ZFPM2: variants seen among roughly 807,000 people sequenced by gnomAD.
The protein encoded by ZFPM2 is zinc finger protein, FOG family member 2.
A neutral mutation model predicts 98.6 loss-of-function variants in ZFPM2; 20 were observed. That is an observed-to-expected ratio of 0.20 (90% CI 0.14 to 0.29). The LOEUF (loss-of-function observed/expected upper bound fraction) is 0.29. Among genes scored for constraint, ZFPM2 ranks in the 10% least tolerant of loss-of-function variants. ZFPM2 has a pLI of 1.00. For synonymous variants in ZFPM2, 518 were observed against 502.7 expected (o/e 1.03, Z -0.41); for missense variants, 1,310 against 1,388.6 (o/e 0.94, Z 0.90).
intron 4 of ZFPM2, among the ~76,000 whole-genome samples, chr8:105,589,070 T>A (rs1289927775): frequency 5.3e-5 from 8 of 152,178 alleles, no homozygotes; most frequent in Non-Finnish European, 7.4e-5. Context: ...ACTGAAAAGG[T>A]GAAAGCTCAA....
At chr8:105,745,418 A>C (rs1297821154) in intron 5 of ZFPM2, among the ~76,000 whole-genome samples, 1 of 152,136 alleles carries the variant, frequency 6.6e-6, no homozygotes, top group African/African-American at 2.4e-5. Flanking sequence ...TTAATCAGAG[A>C]ACACATATAA....
At chr8:105,362,415 G>C (rs909745194) in intron 1 of ZFPM2, among the ~76,000 whole-genome samples, 12 of 151,920 alleles carry the variant, frequency 7.9e-5, no homozygotes, top group Non-Finnish European at 1.5e-4. Context: ...TATGTCTGAC[G>C]CCTACTGAAA....
intron 1 of ZFPM2, among the ~76,000 whole-genome samples, chr8:105,340,255 G>T (rs1563611250): frequency 6.6e-6 from 1 of 151,772 alleles, no homozygotes; most frequent in African/African-American, 2.4e-5. Context: ...CTACATTTGT[G>T]TTTCCTATTC....
intron 5 of ZFPM2, among the ~76,000 whole-genome samples, chr8:105,751,213 G>T (rs1050962085): frequency 6.6e-6 from 1 of 152,054 alleles, no homozygotes; most frequent in African/African-American, 2.4e-5. Context: ...CTGTGTTTTG[G>T]TTATGTAGGA....
chr8:105,405,376 C>A (rs1419875404), intron 1 of ZFPM2, among the ~76,000 whole-genome samples: 1 of 151,302 alleles, frequency 6.6e-6, no homozygotes, highest in Non-Finnish European at 1.5e-5. Context: ...GTGTGCTGCA[C>A]CCATTAACTC....
chr8:105,376,541 T>C (rs1563628438), intron 1 of ZFPM2, among the ~76,000 whole-genome samples: 1 of 152,202 alleles, frequency 6.6e-6, no homozygotes, highest in Non-Finnish European at 1.5e-5. Context: ...TCAAATTTAA[T>C]GTGTCCCAAG....
intron 2 of ZFPM2, among the ~76,000 whole-genome samples, chr8:105,420,386 C>T (rs1336390751): frequency 1.3e-5 from 2 of 151,692 alleles, no homozygotes; most frequent in African/African-American, 4.8e-5. Flanking sequence ...ATGGTGTCAA[C>T]AAAAAAAGTC....
rs551032846 is a variant in ZFPM2, at chr8:105,744,201, A to T, written c.533-44517A>T. Among the ~76,000 whole-genome samples the T allele has an allele frequency of 8.5e-5, 13 of 152,066 alleles. No individual in the cohort carries two copies. In the South Asian group the frequency reaches 2.3e-3, roughly 27 times the overall value. ...AGGAACTCTGTTTTCCTCTCTCTCAACTCTTTATCATTCTTTTTATAGCTC... is the reference window on the plus strand; with the variant it reads ...AGGAACTCTGTTTTCCTCTCTCTCATCTCTTTATCATTCTTTTTATAGCTC... On this transcript the variant is annotated intron_variant, in intron 5 of 7. Coordinates refer to ENST00000407775, the MANE Select transcript of ZFPM2 (RefSeq NM_012082.4).
intron 3 of ZFPM2, among the ~76,000 whole-genome samples, chr8:105,470,263 A>C (rs1369909306): frequency 1.3e-5 from 2 of 152,196 alleles, no homozygotes; most frequent in Non-Finnish European, 2.9e-5. Context: ...GAGCCGGGAC[A>C]CCGAACTTAT....
intron 1 of ZFPM2, among the ~76,000 whole-genome samples, chr8:105,399,641 G>A (rs1261852311): frequency 6.6e-6 from 1 of 152,120 alleles, no homozygotes; most frequent in African/African-American, 2.4e-5. Context: ...ATATTTTTGA[G>A]TAGTTATTAT....
chr8:105,658,027 C>T (rs1817318130), intron 5 of ZFPM2, among the ~76,000 whole-genome samples: 1 of 152,128 alleles, frequency 6.6e-6, no homozygotes, highest in South Asian at 2.1e-4. Flanking sequence ...ACCAGTGCTT[C>T]CATTGTATGA....
chr8:105,496,982 CAAAAAAAAAAAAA>C, intron 3 of ZFPM2, among the ~76,000 whole-genome samples: 1 of 31,508 alleles, frequency 3.2e-5, no homozygotes, highest in East Asian at 1.2e-3. Context: ...AACTCCGTCT[CAAAAAAAAAAAAA>C]AAAAAAAAAG....
In ZFPM2 at chr8:105,507,733, A is replaced by G. The variant is rs537557087; in HGVS notation, c.302-53630A>G. Among the ~76,000 whole-genome samples, 22 of 152,268 alleles carry G rather than the reference A, an allele frequency of 1.4e-4. No individual in the cohort carries two copies. In the South Asian group the frequency reaches 4.4e-3, roughly 30 times the overall value. On this transcript the variant is annotated intron_variant, in intron 3 of 7. Transcript: ENST00000407775. Reference sequence around the variant, plus strand: ...GTGCAAAAACGGCCCAACCAATAGCATGACTGTCTTATTTAGTCTTGGGGA... The same window carrying G: ...GTGCAAAAACGGCCCAACCAATAGCGTGACTGTCTTATTTAGTCTTGGGGA...
chr8:105,435,012 T>G (rs2130162857), intron 2 of ZFPM2, among the ~76,000 whole-genome samples: 1 of 152,342 alleles, frequency 6.6e-6, no homozygotes, highest in Admixed American at 6.5e-5. Flanking sequence ...CCACTGCTTT[T>G]ACTATCTTAC....
intron 3 of ZFPM2, among the ~76,000 whole-genome samples, chr8:105,489,466 A>ATATATATATATATTTTT (rs1554610604): frequency 1.7e-5 from 2 of 119,810 alleles, no homozygotes; most frequent in African/African-American, 7.2e-5. Context: ...ATATATATAT[A>ATATATATATATATTTTT]TTTTTTTTTT....
chr8:105,446,984 T>C lies in ZFPM2; in HGVS notation c.301+2603T>C, dbSNP rs113333622. ...TAAACAGCAATTACTTTGATGTTAC[T>C]ACTGCAAGTTTTGTTATTAATGAAA... On this transcript the variant is annotated intron_variant, in intron 3 of 7. Coordinates refer to ENST00000407775, the MANE Select transcript of ZFPM2 (RefSeq NM_012082.4). 6.1e-3 allele frequency among the ~76,000 whole-genome samples: 922 copies of C among 152,288 alleles called. 5 individuals carry two copies. Among genetic ancestry groups the C allele is most frequent in the Non-Finnish European group, 9.7e-3 (660 of 67,982 alleles).
intron 3 of ZFPM2, among the ~76,000 whole-genome samples, chr8:105,544,554 C>T (rs1485648922): frequency 6.6e-6 from 1 of 152,144 alleles, no homozygotes; most frequent in East Asian, 1.9e-4. Flanking sequence ...TAATTTCATG[C>T]AACAAAGCTG....
intron 6 of ZFPM2, among the ~76,000 whole-genome samples, chr8:105,790,504 G>A (rs1309481257): frequency 3.3e-5 from 5 of 152,104 alleles, no homozygotes; most frequent in African/African-American, 1.2e-4. Context: ...TAGCCTTGTA[G>A]TATAGTTTGA....
intron 1 of ZFPM2, among the ~76,000 whole-genome samples, chr8:105,359,249 A>G: frequency 6.6e-6 from 1 of 152,070 alleles, no homozygotes; most frequent in East Asian, 1.9e-4. Flanking sequence ...CCCTTCTGCA[A>G]TGATTGTAAG....
Sources: allele counts gnomAD v4.1 joint callset (sites outside exome capture counted in the v4.1 genomes callset), GRCh38; gene constraint gnomAD v4.1.1; transcripts MANE v1.5; gene names NCBI Gene and HGNC (gene_info 2026-07-23, HGNC 2026-07-21).